The following MYO1D variants were observed in gnomAD, a reference collection of about 807,000 sequenced individuals.
MYO1D encodes unconventional myosin-Id.
Under a neutral mutation model 122.0 loss-of-function variants are expected in MYO1D, and 83 were observed. The ratio of observed to expected loss-of-function variants is 0.68; its 90% confidence interval spans 0.57 to 0.82. The LOEUF (loss-of-function observed/expected upper bound fraction) is 0.82, where lower values mean the gene tolerates loss of function less well. Ranked by LOEUF, MYO1D falls within the 40% of genes least tolerant of loss-of-function variation. MYO1D has a pLI of 0.00. For missense variants in MYO1D, 1,157 were observed against 1,269.5 expected (o/e 0.91, Z 1.35); for synonymous variants, 464 against 446.9 (o/e 1.04, Z -0.48).
intron 21 of MYO1D, among the ~76,000 whole-genome samples, chr17:32,526,675 C>T (rs1318599437): frequency 6.6e-6 from 1 of 151,018 alleles, no homozygotes; most frequent in African/African-American, 2.4e-5. Context: ...TTTTTTGAGA[C>T]AGAATCTTGC....
Position 32,818,125 on chromosome 17 carries a change from C to CAAAAAAAAAA in MYO1D, c.96-37351_96-37342dup, listed in dbSNP as rs58466009. 5.4e-4 allele frequency among the ~76,000 whole-genome samples: 25 copies of CAAAAAAAAAA among 46,000 alleles called. 2 individuals are homozygous for CAAAAAAAAAA. The highest frequency in any genetic ancestry group is 2.4e-3 in the East Asian group (3 of 1,248). 30.2% of individuals were successfully genotyped at this position (46,000 alleles called of 152,430 possible). On this transcript the variant is annotated intron_variant, in intron 1 of 21. Coordinates refer to ENST00000318217, the MANE Select transcript of MYO1D (RefSeq NM_015194.3). The stretch of plus-strand genomic sequence containing the variant: ...TGGGCGACAGAGCGAGACTCCGTCT[C>CAAAAAAAAAA]AAAAAAAAAAAAAAAAAAAAGAGGT...
At chr17:32,798,967 A>T (rs1415577452) in intron 1 of MYO1D, among the ~76,000 whole-genome samples, 1 of 152,180 alleles carries the variant, frequency 6.6e-6, no homozygotes, top group Non-Finnish European at 1.5e-5. Flanking sequence ...CTACTAAGAG[A>T]TTCATTATTA....
At chr17:32,584,147 C>T (rs1398715250) in intron 21 of MYO1D, among the ~76,000 whole-genome samples, 2 of 152,136 alleles carry the variant, frequency 1.3e-5, no homozygotes, top group African/African-American at 4.8e-5. Context: ...GTATCCAGAA[C>T]AAATACTACC....
At chr17:32,542,197 C>T (rs2150879044) in intron 21 of MYO1D, among the ~76,000 whole-genome samples, 1 of 152,228 alleles carries the variant, frequency 6.6e-6, no homozygotes, top group Non-Finnish European at 1.5e-5. Context: ...AGTAAGAAAT[C>T]GAAGTGCCAA....
intron 1 of MYO1D, among the ~76,000 whole-genome samples, chr17:32,849,138 T>A (rs1280222010): frequency 1.3e-5 from 2 of 151,666 alleles, no homozygotes; most frequent in Non-Finnish European, 2.9e-5. Flanking sequence ...CCAGTTAGAA[T>A]GGCAATCATT....
At chr17:32,623,004 AT>A (rs745449655) in intron 20 of MYO1D, among the ~76,000 whole-genome samples, 1 of 152,218 alleles carries the variant, frequency 6.6e-6, no homozygotes, top group Non-Finnish European at 1.5e-5. Context: ...TTTAAATGCA[AT>A]ATAAGATATT....
chr17:32,864,305 A>G (rs1208829284), intron 1 of MYO1D, among the ~76,000 whole-genome samples: 2 of 151,582 alleles, frequency 1.3e-5, no homozygotes, highest in African/African-American at 4.8e-5. Context: ...TTTTTAAAGC[A>G]CCAATCTAAA....
At chr17:32,622,589 G>T (rs1325440110) in intron 20 of MYO1D, among the ~76,000 whole-genome samples, 2 of 152,118 alleles carry the variant, frequency 1.3e-5, no homozygotes, top group Non-Finnish European at 2.9e-5. Context: ...GTTATATTTG[G>T]GCAGAGGCCT....
At chr17:32,614,828 G>A (rs1352976092) in intron 20 of MYO1D, among the ~76,000 whole-genome samples, 1 of 152,202 alleles carries the variant, frequency 6.6e-6, no homozygotes, top group African/African-American at 2.4e-5. Flanking sequence ...CATGCCGTGA[G>A]GCAGCCAAAC....
intron 19 of MYO1D, among the ~76,000 whole-genome samples, chr17:32,640,538 A>C (rs1419392559): frequency 1.5e-5 from 2 of 130,598 alleles, no homozygotes. Context: ...ATGTGATCTC[A>C]TTGTTCAATT....
At position 32,573,273 on chromosome 17, in the gene MYO1D, T is replaced by C. The variant is rs193066190; in HGVS notation, c.2864+31814A>G. Among the ~76,000 whole-genome samples, 16 of 152,346 alleles carry C rather than the reference T, an allele frequency of 1.1e-4. No homozygotes were observed. The East Asian group carries it at 2.9e-3, about 28-fold the overall frequency. On this transcript the variant is annotated intron_variant, in intron 21 of 21. Coordinates refer to ENST00000318217, the MANE Select transcript of MYO1D (RefSeq NM_015194.3). ...ACTTACAATTGTTTTTTCTCTTCCA[T>C]GGTCTAGAATTGAATAAAATCCCTT...
At chr17:32,639,510 T>C (rs536323821) in intron 19 of MYO1D, among the ~76,000 whole-genome samples, 1 of 151,920 alleles carries the variant, frequency 6.6e-6, no homozygotes, top group Non-Finnish European at 1.5e-5. Context: ...TTATAAGTAG[T>C]TAGCTACTTA....
chr17:32,698,210 T>A (rs1291176125), intron 16 of MYO1D, among the ~76,000 whole-genome samples: 5 of 152,214 alleles, frequency 3.3e-5, no homozygotes, highest in Non-Finnish European at 1.5e-5. Flanking sequence ...AAATACTAGC[T>A]ACCATATCAG....
chr17:32,852,631 T>C (rs1008998314), intron 1 of MYO1D, among the ~76,000 whole-genome samples: 3 of 152,190 alleles, frequency 2.0e-5, no homozygotes, highest in African/African-American at 7.2e-5. Flanking sequence ...GTCTCAACTA[T>C]GTGGCAAATA....
chr17:32,815,554 A>G (rs1407344467), intron 1 of MYO1D, among the ~76,000 whole-genome samples: 2 of 152,246 alleles, frequency 1.3e-5, no homozygotes, highest in African/African-American at 4.8e-5. Flanking sequence ...CTTAAGTCCA[A>G]TCCTGGTCAG....
intron 20 of MYO1D, among the ~76,000 whole-genome samples, chr17:32,620,871 G>A (rs185350967): frequency 5.1e-4 from 78 of 152,284 alleles, no homozygotes; most frequent in Non-Finnish European, 8.1e-4. Flanking sequence ...AAAGCTACGA[G>A]AGCCCATCGC....
chr17:32,654,684 CT>C (rs924664588), intron 17 of MYO1D, 63 bp from the exon 18 acceptor site: 29,123 of 1,006,454 alleles, frequency 0.029, 1 homozygote, highest in South Asian at 0.043. Flanking sequence ...TTCTCTCTCT[CT>C]TTTTTTTTTT....
chr17:32,536,367 A>G (rs1241819777), intron 21 of MYO1D, among the ~76,000 whole-genome samples: 1 of 152,152 alleles, frequency 6.6e-6, no homozygotes, highest in Non-Finnish European at 1.5e-5. Context: ...ATTATTTTCT[A>G]GGTCTAAAAA....
intron 14 of MYO1D, among the ~76,000 whole-genome samples, chr17:32,734,036 C>T (rs1296579041): frequency 1.3e-5 from 2 of 152,092 alleles, no homozygotes; most frequent in Non-Finnish European, 2.9e-5. Flanking sequence ...GAGTAGTTGC[C>T]TCTCTTCTTC....
Sources: gnomAD v4.1 joint callset for allele counts (sites outside exome capture counted in the v4.1 genomes callset) on GRCh38, gnomAD v4.1.1 for gene constraint, MANE v1.5 for transcripts, NCBI Gene and HGNC (gene_info 2026-07-23, HGNC 2026-07-21) for gene names.